Variants in AOPEP observed in about 807,000 individuals in gnomAD.
AOPEP encodes the protein aminopeptidase O.
AOPEP carries 77 observed loss-of-function variants against 98.1 expected under a neutral mutation model. That is an observed-to-expected ratio of 0.78 (90% CI 0.65 to 0.95). AOPEP has a LOEUF of 0.95. Ranked by LOEUF, AOPEP falls within the 40% of genes least tolerant of loss-of-function variation. The pLI, the probability that AOPEP is intolerant of heterozygous loss-of-function variation, is 0.00. For missense variants in AOPEP, 1,024 were observed against 1,024.7 expected, an observed-to-expected ratio of 1.00 and a Z score of 0.01; for synonymous variants, 346 against 365.3, an observed-to-expected ratio of 0.95 and a Z score of 0.60.
intron 14 of AOPEP, among the ~76,000 whole-genome samples, chr9:95,077,443 A>C (rs1437745208): frequency 6.6e-6 from 1 of 152,216 alleles, no homozygotes; most frequent in African/African-American, 2.4e-5. Context: ...AGAGACAGTG[A>C]GGAGTGCCCA....
intron 5 of AOPEP, among the ~76,000 whole-genome samples, chr9:94,866,279 T>C (rs1175441038): frequency 6.6e-6 from 1 of 152,178 alleles, no homozygotes. Context: ...TTTTGTGAAA[T>C]GTGGGGCATG....
chr9:94,862,334 A>G lies in AOPEP; in HGVS notation c.1364+61332A>G, dbSNP rs562116107. 3.3e-5 allele frequency among the ~76,000 whole-genome samples: 5 copies of G among 152,232 alleles called. No individual in the cohort carries two copies. The South Asian group carries it at 1.0e-3, about 32-fold the overall frequency. ...GTCTGAGCAATGTCAAGCCTGTTAG[A>G]TGCATGGCAGGGAGGATCTGGAGCA... On this transcript the variant is annotated intron_variant, in intron 5 of 16. Coordinates refer to ENST00000375315, the MANE Select transcript of AOPEP (RefSeq NM_001193329.3).
Position 94,896,236 on chromosome 9 carries a change from T to C in AOPEP, c.1365-27750T>C, listed in dbSNP as rs116351956. Among the ~76,000 whole-genome samples the C allele has an allele frequency of 4.2e-3, 639 of 152,330 alleles. 5 individuals are homozygous for C. Among genetic ancestry groups the C allele is most frequent in the African/African-American group, 0.015 (611 of 41,572 alleles). On this transcript the variant is annotated intron_variant, in intron 5 of 16. Coordinates refer to ENST00000375315, the MANE Select transcript of AOPEP (RefSeq NM_001193329.3). ...TTTCTGATTTACAAACAAACAGTTA[T>C]AATGGAAGAAGAGCTCCCATTTAGA...
intron 5 of AOPEP, among the ~76,000 whole-genome samples, chr9:94,868,435 G>A (rs7874236): frequency 0.012 from 1,763 of 152,260 alleles, 35 homozygotes; most frequent in African/African-American, 0.04. Context: ...GAGTCTCACC[G>A]AATTCCCGTG....
chr9:95,050,894 A>G (rs1393539722), intron 13 of AOPEP, among the ~76,000 whole-genome samples: 1 of 152,216 alleles, frequency 6.6e-6, no homozygotes, highest in Non-Finnish European at 1.5e-5. Flanking sequence ...ATAAATACCC[A>G]AGAGTGAAAA....
intron 16 of AOPEP, among the ~76,000 whole-genome samples, chr9:95,084,411 C>T (rs562027426): frequency 1.7e-4 from 26 of 152,350 alleles, no homozygotes; most frequent in Non-Finnish European, 2.4e-4. Flanking sequence ...CGTCTCGTAG[C>T]GAAACGCCTG....
chr9:94,959,709 A>G (rs1432049222), intron 9 of AOPEP, among the ~76,000 whole-genome samples: 1 of 152,200 alleles, frequency 6.6e-6, no homozygotes, highest in Non-Finnish European at 1.5e-5. Flanking sequence ...ACCTATAATT[A>G]ATATTGTGTG....
chr9:95,109,502 T>C, the AOPEP span: 2 of 152,054 alleles, frequency 1.3e-5, no homozygotes, highest in African/African-American at 2.4e-5. Context: ...TTCTTAAGGG[T>C]ATCTAAACGA....
intron 1 of AOPEP, among the ~76,000 whole-genome samples, chr9:94,736,768 G>A (rs1003204944): frequency 1.1e-4 from 16 of 142,594 alleles, no homozygotes; most frequent in African/African-American, 4.4e-4. Context: ...AGCACTTCAT[G>A]GAATTAAGGT....
At chr9:95,037,775 G>A (rs2064956474) in intron 13 of AOPEP, among the ~76,000 whole-genome samples, 1 of 152,186 alleles carries the variant, frequency 6.6e-6, no homozygotes, top group Admixed American at 6.5e-5. Flanking sequence ...CTGAAGAATT[G>A]CGGCAACAGT....
chr9:94,830,717 G>A (rs1418320126), intron 5 of AOPEP, among the ~76,000 whole-genome samples: 1 of 152,092 alleles, frequency 6.6e-6, no homozygotes, highest in Non-Finnish European at 1.5e-5. Flanking sequence ...AGCATCTGTT[G>A]TTTCTTGACT....
At chr9:94,915,054 T>C (rs1361229993) in intron 5 of AOPEP, among the ~76,000 whole-genome samples, 1 of 152,214 alleles carries the variant, frequency 6.6e-6, no homozygotes. Flanking sequence ...AAAACATGTG[T>C]ATGAGCCAGG....
At chr9:94,843,724 T>C (rs1457945231) in intron 5 of AOPEP, among the ~76,000 whole-genome samples, 2 of 152,354 alleles carry the variant, frequency 1.3e-5, no homozygotes, top group Admixed American at 1.3e-4. Context: ...CTAATGATTT[T>C]GCCTCTTGAA....
chr9:95,141,311 C>CAAAA, the AOPEP span, among the ~76,000 whole-genome samples: 34 of 54,882 alleles, frequency 6.2e-4, 1 homozygote, highest in East Asian at 0.019. Flanking sequence ...GACCCTGTCT[C>CAAAA]AAAAAAAAAA....
At chr9:95,118,570 C>T in the AOPEP span, among the ~76,000 whole-genome samples, 505 of 152,352 alleles carry the variant, frequency 3.3e-3, 9 homozygotes, top group East Asian at 0.043. Flanking sequence ...TCTTAACAAT[C>T]ATTCCCTCCA....
chr9:95,096,298 CAG>C, the AOPEP span, among the ~76,000 whole-genome samples: 1 of 152,136 alleles, frequency 6.6e-6, no homozygotes, highest in East Asian at 1.9e-4. Context: ...CGGGGAGTGA[CAG>C]AGGGCCAGCT....
chr9:94,955,253 A>G lies in AOPEP; in HGVS notation c.1738A>G (p.Ile580Val). 1 of 1,613,094 alleles carries G rather than the reference A, an allele frequency of 6.2e-7. No individual in the cohort carries two copies. The highest frequency in any genetic ancestry group is 8.5e-7 in the Non-Finnish European group (1 of 1,179,452). ...CAAGCATGGACTTAATCCGGAGAAG[A>G]TCTTCATGCAGGTGCATTATTTAAA... ...VIKHGLNPEK[I>V]FMQVHYLKGY... Residue 580 changes from isoleucine to valine, a missense_variant, in exon 8 of 17, where the codon ATC (isoleucine) becomes GTC (valine). Physicochemically the swap from Ile to Val is conservative, Grantham distance 29. Around this residue, in one of 3 missense-constraint regions of AOPEP, gnomAD observed 566 missense variants for 551.7 expected, o/e 1.03. Coordinates refer to ENST00000375315, the MANE Select transcript of AOPEP (RefSeq NM_001193329.3).
chr9:95,102,789 T>C, the AOPEP span, among the ~76,000 whole-genome samples: 1 of 152,212 alleles, frequency 6.6e-6, no homozygotes, highest in Non-Finnish European at 1.5e-5. Flanking sequence ...TCTTGTCGCA[T>C]GCGCACTGTG....
chr9:94,785,670 T>C (rs1844273630), intron 3 of AOPEP, among the ~76,000 whole-genome samples: 1 of 152,212 alleles, frequency 6.6e-6, no homozygotes, highest in African/African-American at 2.4e-5. Flanking sequence ...GGCTGTGAAA[T>C]CATCCAGTGG....
Sources: gnomAD v4.1 joint callset for allele counts (sites outside exome capture counted in the v4.1 genomes callset) on GRCh38, gnomAD v4.1.1 for gene constraint, gnomAD v4.1.1 regional missense constraint, MANE v1.5 for transcripts, NCBI Gene and HGNC (gene_info 2026-07-23, HGNC 2026-07-21) for gene names.